The following LRRTM4 variants were observed in gnomAD, a reference collection of about 807,000 sequenced individuals.
LRRTM4 encodes leucine rich repeat transmembrane neuronal 4.
A neutral mutation model predicts 47.6 loss-of-function variants in LRRTM4; 25 were observed. The ratio of observed to expected loss-of-function variants is 0.53; its 90% CI spans 0.38 to 0.73. The LOEUF is 0.73. Ranked by LOEUF, LRRTM4 falls within the 30% of genes least tolerant of loss-of-function variation. LRRTM4 has a pLI of 0.00. For synonymous variants in LRRTM4, 311 were observed against 269.5 expected, an observed-to-expected ratio of 1.15 and a Z score of -1.51; for missense variants, 638 against 713.4, an observed-to-expected ratio of 0.89 and a Z score of 1.20.
chr2:77,323,874 G>T (rs1196558339), intron 3 of LRRTM4, among the ~76,000 whole-genome samples: 1 of 151,938 alleles, frequency 6.6e-6, no homozygotes, highest in Non-Finnish European at 1.5e-5. Flanking sequence ...ACCATAAATT[G>T]GGGACAATAA....
intron 3 of LRRTM4, among the ~76,000 whole-genome samples, chr2:76,816,784 G>A (rs1670908428): frequency 7.8e-6 from 1 of 128,028 alleles, no homozygotes; most frequent in African/African-American, 2.8e-5. Flanking sequence ...GTGCAAGTGG[G>A]TTATCTGAAC....
At chr2:76,760,564 G>A (rs1673217774) in intron 3 of LRRTM4, among the ~76,000 whole-genome samples, 1 of 151,916 alleles carries the variant, frequency 6.6e-6, no homozygotes, top group Admixed American at 6.6e-5. Context: ...GGCCACATAT[G>A]TACAATAAAC....
intron 3 of LRRTM4, among the ~76,000 whole-genome samples, chr2:76,830,726 C>T (rs532252283): frequency 8.6e-5 from 13 of 151,852 alleles, no homozygotes; most frequent in African/African-American, 2.9e-4. Context: ...TATAAATTAA[C>T]ACTGGAAAAA....
At chr2:77,113,640 G>A (rs1477507522) in intron 3 of LRRTM4, among the ~76,000 whole-genome samples, 1 of 152,068 alleles carries the variant, frequency 6.6e-6, no homozygotes, top group Non-Finnish European at 1.5e-5. Flanking sequence ...GTGAGAAAGG[G>A]GCATTGGGGG....
intron 3 of LRRTM4, among the ~76,000 whole-genome samples, chr2:77,444,141 A>G (rs532381515): frequency 2.6e-5 from 4 of 152,238 alleles, no homozygotes; most frequent in African/African-American, 9.6e-5. Context: ...GGAAGATGAT[A>G]ATTAAGAAAT....
chr2:76,749,249 A>G (rs1479802163), intron 3 of LRRTM4, among the ~76,000 whole-genome samples: 1 of 152,042 alleles, frequency 6.6e-6, no homozygotes, highest in African/African-American at 2.4e-5. Flanking sequence ...CTACATTTGA[A>G]TGTAGATCTT....
intron 3 of LRRTM4, among the ~76,000 whole-genome samples, chr2:77,210,349 C>A (rs957275031): frequency 1.3e-5 from 2 of 152,122 alleles, no homozygotes; most frequent in African/African-American, 4.8e-5. Context: ...CCCTATAAAG[C>A]TTTCCTTTAG....
chr2:77,341,462 C>T (rs945003506), intron 3 of LRRTM4, among the ~76,000 whole-genome samples: 1 of 151,964 alleles, frequency 6.6e-6, no homozygotes, highest in African/African-American at 2.4e-5. Flanking sequence ...TTACCATATC[C>T]CACATTATTT....
intron 3 of LRRTM4, among the ~76,000 whole-genome samples, chr2:76,942,184 G>A (rs540614538): frequency 4.6e-5 from 7 of 151,986 alleles, no homozygotes; most frequent in Admixed American, 4.6e-4. Context: ...ATTTGTTTAA[G>A]TTCCTTGTAG....
chr2:77,208,202 A>G (rs1201743679), intron 3 of LRRTM4, among the ~76,000 whole-genome samples: 2 of 152,016 alleles, frequency 1.3e-5, no homozygotes, highest in South Asian at 2.1e-4. Context: ...TTTAAGGGGT[A>G]TAGAATATAG....
intron 3 of LRRTM4, among the ~76,000 whole-genome samples, chr2:77,162,583 C>G (rs1174356418): frequency 6.6e-6 from 1 of 152,204 alleles, no homozygotes; most frequent in Non-Finnish European, 1.5e-5. Flanking sequence ...TAGGGACCGA[C>G]TGACCCCTCA....
intron 3 of LRRTM4, among the ~76,000 whole-genome samples, chr2:77,064,732 A>C (rs1679899099): frequency 6.6e-6 from 1 of 152,190 alleles, no homozygotes; most frequent in Non-Finnish European, 1.5e-5. Context: ...TAATGTAAGA[A>C]ATTTATTTCC....
At chr2:77,369,897 CA>C (rs1262656629) in intron 3 of LRRTM4, among the ~76,000 whole-genome samples, 3 of 151,648 alleles carry the variant, frequency 2.0e-5, no homozygotes, top group African/African-American at 7.3e-5. Flanking sequence ...AGTGAAAATA[CA>C]GTATTATAAT....
chr2:76,898,678 T>A (rs1342536260), intron 3 of LRRTM4, among the ~76,000 whole-genome samples: 2 of 151,350 alleles, frequency 1.3e-5, no homozygotes, highest in Non-Finnish European at 2.9e-5. Context: ...CATATAGAGT[T>A]TCCTGAGCAT....
intron 3 of LRRTM4, among the ~76,000 whole-genome samples, chr2:77,219,831 C>G (rs148067232): frequency 1.0e-3 from 158 of 152,256 alleles, no homozygotes; most frequent in Non-Finnish European, 1.4e-3. Context: ...ACTTAAATGT[C>G]CCTGTCTGAC....
intron 3 of LRRTM4, among the ~76,000 whole-genome samples, chr2:76,772,752 G>A (rs989468633): frequency 6.6e-6 from 1 of 152,176 alleles, no homozygotes; most frequent in Admixed American, 6.5e-5. Flanking sequence ...TTGAGAAAGA[G>A]ACTGCAGTTG....
At chr2:76,902,931 C>T (rs989577644) in intron 3 of LRRTM4, among the ~76,000 whole-genome samples, 1 of 151,264 alleles carries the variant, frequency 6.6e-6, no homozygotes, top group Non-Finnish European at 1.5e-5. Context: ...TTTCCAGGGA[C>T]TCTGAGTAAC....
At chr2:76,936,462 G>T (rs369326599) in intron 3 of LRRTM4, among the ~76,000 whole-genome samples, 183 of 151,806 alleles carry the variant, frequency 1.2e-3, no homozygotes, top group African/African-American at 4.1e-3. Flanking sequence ...GGGAGGGATA[G>T]CATTAGGAGA....
intron 3 of LRRTM4, among the ~76,000 whole-genome samples, chr2:76,798,404 A>T (rs1449529573): frequency 1.3e-5 from 2 of 151,804 alleles, no homozygotes; most frequent in Non-Finnish European, 2.9e-5. Flanking sequence ...GAAACCAACG[A>T]GAACAAAGAC....
Sources: allele counts gnomAD v4.1 joint callset (sites outside exome capture counted in the v4.1 genomes callset), GRCh38; gene constraint gnomAD v4.1.1; transcripts MANE v1.5; gene names NCBI Gene and HGNC (gene_info 2026-07-23, HGNC 2026-07-21).